PCDH9: variants seen among roughly 807,000 people sequenced by gnomAD.
PCDH9 encodes protocadherin-9.
A neutral mutation model predicts 70.6 loss-of-function variants in PCDH9; 24 were observed. The ratio of observed to expected loss-of-function variants is 0.34; its 90% confidence interval spans 0.25 to 0.48. The LOEUF is 0.48. Ranked by LOEUF, PCDH9 falls within the 20% of genes least tolerant of loss-of-function variation. The pLI is 0.99. For missense variants in PCDH9, 1,281 were observed against 1,503.6 expected (o/e 0.85, Z 2.45); for synonymous variants, 562 against 558.5 (o/e 1.01, Z -0.09).
intron 2 of PCDH9, among the ~76,000 whole-genome samples, chr13:67,176,468 A>G (rs2088459862): frequency 6.6e-6 from 1 of 152,054 alleles, no homozygotes; most frequent in Admixed American, 6.6e-5. Context: ...AAATCATTCT[A>G]CTATAAAAAC....
chr13:66,492,836 A>C (rs1272356902), intron 4 of PCDH9, among the ~76,000 whole-genome samples: 2 of 152,220 alleles, frequency 1.3e-5, no homozygotes, highest in East Asian at 3.8e-4. Context: ...TCTGGCGAAT[A>C]CATGAAATAT....
intron 4 of PCDH9, among the ~76,000 whole-genome samples, chr13:66,569,887 T>C (rs1256050963): frequency 6.6e-6 from 1 of 152,160 alleles, no homozygotes; most frequent in Non-Finnish European, 1.5e-5. Context: ...AATTGTCGTA[T>C]GATTCCACAA....
At chr13:67,052,083 T>C (rs1332149888) in intron 2 of PCDH9, among the ~76,000 whole-genome samples, 4 of 152,124 alleles carry the variant, frequency 2.6e-5, no homozygotes, top group African/African-American at 9.7e-5. Context: ...ATAAGTGATA[T>C]AGTTGGAATT....
At chr13:67,077,139 T>G (rs2085893314) in intron 2 of PCDH9, among the ~76,000 whole-genome samples, 1 of 152,162 alleles carries the variant, frequency 6.6e-6, no homozygotes, top group South Asian at 2.1e-4. Context: ...TTTAATTTTG[T>G]GCACTGTCTT....
At chr13:66,397,618 T>C (rs2138285729) in intron 4 of PCDH9, among the ~76,000 whole-genome samples, 1 of 151,660 alleles carries the variant, frequency 6.6e-6, no homozygotes, top group African/African-American at 2.4e-5. Context: ...TATGTGTATA[T>C]ATACATATTT....
chr13:66,681,167 C>T (rs2078313885), intron 3 of PCDH9, among the ~76,000 whole-genome samples: 1 of 152,022 alleles, frequency 6.6e-6, no homozygotes, highest in Non-Finnish European at 1.5e-5. Context: ...CTTTACCCCC[C>T]ACAATATACT....
intron 3 of PCDH9, among the ~76,000 whole-genome samples, chr13:66,843,586 C>T (rs1323001421): frequency 1.3e-5 from 2 of 152,188 alleles, no homozygotes; most frequent in African/African-American, 2.4e-5. Context: ...ACAAGCAAGG[C>T]CCATTAGAAA....
chr13:66,619,390 TAAA>T (rs2077395773), intron 4 of PCDH9, among the ~76,000 whole-genome samples: 1 of 152,134 alleles, frequency 6.6e-6, no homozygotes, highest in African/African-American at 2.4e-5. Flanking sequence ...AAAAATTACT[TAAA>T]AATAATTTTT....
At chr13:66,986,600 T>C (rs1021155944) in intron 2 of PCDH9, among the ~76,000 whole-genome samples, 1 of 151,988 alleles carries the variant, frequency 6.6e-6, no homozygotes, top group African/African-American at 2.4e-5. Flanking sequence ...GACATAGATA[T>C]AGCTACTTGT....
At chr13:66,612,720 G>A (rs1053813749) in intron 4 of PCDH9, among the ~76,000 whole-genome samples, 8 of 152,120 alleles carry the variant, frequency 5.3e-5, no homozygotes, top group Non-Finnish European at 4.4e-5. Flanking sequence ...GTTTACAGCG[G>A]GCAGGAGCCT....
chr13:66,445,552 T>C (rs1318610426), intron 4 of PCDH9, among the ~76,000 whole-genome samples: 1 of 143,402 alleles, frequency 7.0e-6, no homozygotes, highest in Non-Finnish European at 1.5e-5. Flanking sequence ...TATATACACA[T>C]ATATAATATA....
intron 2 of PCDH9, among the ~76,000 whole-genome samples, chr13:67,058,164 C>T (rs1352822730): frequency 6.6e-6 from 1 of 152,084 alleles, no homozygotes; most frequent in African/African-American, 2.4e-5. Flanking sequence ...TTCATGACTT[C>T]AGAAATTTTA....
chr13:66,845,265 C>T (rs926054234), intron 3 of PCDH9, among the ~76,000 whole-genome samples: 5 of 152,236 alleles, frequency 3.3e-5, no homozygotes, highest in Admixed American at 3.3e-4. Flanking sequence ...CCACTTCAGC[C>T]TCCCTCCCAT....
chr13:67,146,742 T>A (rs927426020), intron 2 of PCDH9, among the ~76,000 whole-genome samples: 1 of 152,214 alleles, frequency 6.6e-6, no homozygotes, highest in African/African-American at 2.4e-5. Context: ...CTTTCAATGC[T>A]TGTGGATAAC....
chr13:66,704,635 C>T (rs964934187), intron 3 of PCDH9, among the ~76,000 whole-genome samples: 2 of 152,030 alleles, frequency 1.3e-5, no homozygotes, highest in African/African-American at 4.8e-5. Flanking sequence ...TATCGCAAGA[C>T]AGAATGATGA....
At chr13:66,480,747 T>C (rs1306491666) in intron 4 of PCDH9, among the ~76,000 whole-genome samples, 1 of 152,112 alleles carries the variant, frequency 6.6e-6, no homozygotes, top group African/African-American at 2.4e-5. Context: ...TGGAAGACAG[T>C]GTGGCAATTC....
At chr13:66,921,400 T>C (rs2082634301) in intron 2 of PCDH9, among the ~76,000 whole-genome samples, 1 of 151,248 alleles carries the variant, frequency 6.6e-6, no homozygotes, top group African/African-American at 2.4e-5. Flanking sequence ...CTGTGTAAGT[T>C]AGGCAACTCA....
At chr13:66,613,184 G>T (rs2077313952) in intron 4 of PCDH9, among the ~76,000 whole-genome samples, 1 of 152,096 alleles carries the variant, frequency 6.6e-6, no homozygotes, top group African/African-American at 2.4e-5. Flanking sequence ...GGGATGCTTG[G>T]TCGAAGAGTG....
intron 4 of PCDH9, among the ~76,000 whole-genome samples, chr13:66,622,777 C>T (rs2077443253): frequency 6.6e-6 from 1 of 152,172 alleles, no homozygotes; most frequent in Admixed American, 6.5e-5. Flanking sequence ...CCCGGGCAGG[C>T]AGTGGCAATC....
Sources: allele counts gnomAD v4.1 joint callset (sites outside exome capture counted in the v4.1 genomes callset), GRCh38; gene constraint gnomAD v4.1.1; transcripts MANE v1.5; gene names NCBI Gene and HGNC (gene_info 2026-07-23, HGNC 2026-07-21).